The following RHCG variants were observed in gnomAD, a reference collection of about 807,000 sequenced individuals.
RHCG encodes Rh family C glycoprotein, also known as ammonium transporter Rh type C.
In RHCG, 39 loss-of-function variants were observed where a neutral mutation model predicts 55.3. The ratio of observed to expected loss-of-function variants is 0.70; its 90% CI spans 0.55 to 0.92. RHCG has a LOEUF of 0.92. RHCG is among the 40% of genes least tolerant of loss of function. The probability of loss-of-function intolerance (pLI) is 0.00; values close to 1 mark genes in which losing one functional copy is unlikely to be tolerated. For synonymous variants in RHCG, 250 were observed against 246.8 expected (o/e 1.01, Z -0.12); for missense variants, 635 against 627.9 (o/e 1.01, Z -0.12).
chr15:89,491,883 A>G (rs1961482263), intron 1 of RHCG, among the ~76,000 whole-genome samples: 1 of 152,252 alleles, frequency 6.6e-6, no homozygotes, highest in Non-Finnish European at 1.5e-5. Flanking sequence ...TTTGTCAGTC[A>G]AATGGGAGAT....
intron 9 of RHCG, among the ~76,000 whole-genome samples, chr15:89,474,803 TGCC>T (rs1961104606): frequency 7.6e-6 from 1 of 131,108 alleles, no homozygotes; most frequent in African/African-American, 2.7e-5. Flanking sequence ...CCTTCCTGCC[TGCC>T]TTCCTTCCTG....
chr15:89,477,013 C>T lies in RHCG; in HGVS notation c.1237+69G>A. The T allele has an allele frequency of 1.9e-6, 3 of 1,606,250 alleles. No individual in the cohort carries two copies. The highest frequency in any genetic ancestry group is 4.5e-5 in the East Asian group (2 of 44,792). ...GCTCAGGCTGACCTGTGCCGCATGC[C>T]CTTTGCTTCTCCACCCAGGGAGCCC... On this transcript the variant is annotated intron_variant, in intron 8 of 10. Coordinates refer to ENST00000268122, the MANE Select transcript of RHCG (RefSeq NM_016321.3). This position sits in a 1 kb window ranked among gnomAD's most constrained non-coding sequence, Gnocchi z 4.5.
chr15:89,477,879 G>T lies in RHCG; in HGVS notation c.933C>A (p.Phe311Leu), dbSNP rs758998246. The T allele has an allele frequency of 6.2e-7, 1 of 1,613,952 alleles. No individual in the cohort carries two copies. The highest frequency in any genetic ancestry group is 1.3e-5 in the African/African-American group (1 of 74,908). Residue 311 changes from phenylalanine (F) to leucine (L), a missense_variant, in exon 6 of 11, where the codon TTC becomes TTA. By Grantham distance (22) the Phe-to-Leu change is conservative (BLOSUM62 0). Coordinates refer to ENST00000268122, the MANE Select transcript of RHCG (RefSeq NM_016321.3). The surrounding 1 kb of genome is among the most constrained non-coding windows in gnomAD (Gnocchi z 4.5). ...LMPYGALIIGFVCGIISTLGF... is the reference protein window; with the variant it reads ...LMPYGALIIGLVCGIISTLGF... The stretch of plus-strand genomic sequence containing the variant: ...CCAGGGTGGAGATGATGCCGCAGAC[G>T]AAGCCGATGATGAGGGCACCGTAAG...
chr15:89,492,052 G>A (rs1243094207), intron 1 of RHCG, among the ~76,000 whole-genome samples: 1 of 139,096 alleles, frequency 7.2e-6, no homozygotes, highest in Admixed American at 7.4e-5. Context: ...TGACAAGGTT[G>A]CATTGGGTTG....
rs1961165173 is a variant in RHCG at position 89,477,094 on chromosome 15, C to T, written c.1225G>A (p.Gly409Ser). Residue 409 changes from glycine (G) to serine (S), a missense_variant, in exon 8 of 11, where the codon GGC becomes AGC. Coordinates refer to ENST00000268122, the MANE Select transcript of RHCG (RefSeq NM_016321.3). This position sits in a 1 kb window ranked among gnomAD's most constrained non-coding sequence, Gnocchi z 4.5. ...CATTCCTGCTCACCCACAATGATGCCACCCATCAGGGCCATGGCCAGGGTC... is the reference window on the plus strand; with the variant it reads ...CATTCCTGCTCACCCACAATGATGCTACCCATCAGGGCCATGGCCAGGGTC... ...LVTLAMALMG[G>S]IIVGLILRLP... is the part of the protein sequence containing the mutation. The T allele has an allele frequency of 1.2e-6, 2 of 1,613,954 alleles. No individual in the cohort carries two copies. The highest frequency in any genetic ancestry group is 1.7e-6 in the Non-Finnish European group (2 of 1,180,036).
At chr15:89,474,545 A>G (rs1961096198) in intron 9 of RHCG, among the ~76,000 whole-genome samples, 1 of 152,216 alleles carries the variant, frequency 6.6e-6, no homozygotes, top group South Asian at 2.1e-4. Context: ...GGCACCTCCA[A>G]TCATGATTCA....
intron 2 of RHCG, among the ~76,000 whole-genome samples, chr15:89,483,562 C>A (rs1961307568): frequency 6.6e-6 from 1 of 152,172 alleles, no homozygotes; most frequent in Non-Finnish European, 1.5e-5. Context: ...CCTGTAGCTT[C>A]TACCTGCTTT....
intron 1 of RHCG, among the ~76,000 whole-genome samples, chr15:89,491,937 C>T (rs1961483042): frequency 1.3e-5 from 2 of 152,186 alleles, no homozygotes; most frequent in African/African-American, 2.4e-5. Flanking sequence ...CTTTGTAGCA[C>T]ACATGTAATG....
chr15:89,479,222 TG>T, intron 5 of RHCG, 99 bp downstream of exon 5: 1 of 1,252,992 alleles, frequency 8.0e-7, no homozygotes, highest in Non-Finnish European at 1.1e-6. Context: ...ATCTGCAAGA[TG>T]GGTGTGATGA....
Position 89,480,335 on chromosome 15 carries a change from A to C in RHCG, c.596T>G (p.Leu199Arg). The change falls in exon 4 of 11, where the codon CTC becomes CGC. Residue 199 changes from leucine (L) to arginine (R), a missense_variant. Leu to Arg is a moderately radical substitution (Grantham distance 102). Coordinates refer to ENST00000268122, the MANE Select transcript of RHCG (RefSeq NM_016321.3). Reference sequence around the variant, plus strand: ...GCTCTGCTCTAGGTTGCGTCGGTAGAGGATCCGGGTCACTGTGAGCCCAAA... The same window carrying C: ...GCTCTGCTCTAGGTTGCGTCGGTAGCGGATCCGGGTCACTGTGAGCCCAAA... ...AYFGLTVTRI[L>R]YRRNLEQSKE... 1 of 1,614,180 alleles carries C rather than the reference A, an allele frequency of 6.2e-7. No individual in the cohort carries two copies. The highest frequency in any genetic ancestry group is 8.5e-7 in the Non-Finnish European group (1 of 1,180,016).
chr15:89,474,697 A>G (rs1398453144), intron 9 of RHCG, among the ~76,000 whole-genome samples: 1 of 152,256 alleles, frequency 6.6e-6, no homozygotes, highest in Non-Finnish European at 1.5e-5. Flanking sequence ...TGCAGAACTC[A>G]GTTGCCTGCC....
At chr15:89,487,336 C>T (rs760471889) in intron 1 of RHCG, among the ~76,000 whole-genome samples, 1 of 152,170 alleles carries the variant, frequency 6.6e-6, no homozygotes, top group Non-Finnish European at 1.5e-5. Context: ...CTCCTTGGTT[C>T]TACCCTCCTC....
intron 1 of RHCG, among the ~76,000 whole-genome samples, chr15:89,490,963 G>A (rs562070998): frequency 6.6e-6 from 1 of 152,286 alleles, no homozygotes; most frequent in East Asian, 1.9e-4. Flanking sequence ...AGCTAGCAGA[G>A]AAGACGAAGG....
intron 1 of RHCG, among the ~76,000 whole-genome samples, chr15:89,490,180 G>C (rs1447891677): frequency 6.6e-6 from 1 of 152,238 alleles, no homozygotes; most frequent in East Asian, 1.9e-4. Context: ...GCCTGGCCAA[G>C]GCTGCAGGAG....
intron 9 of RHCG, among the ~76,000 whole-genome samples, chr15:89,474,435 A>T (rs1596401149): frequency 1.3e-5 from 2 of 152,358 alleles, no homozygotes; most frequent in South Asian, 2.1e-4. Flanking sequence ...CCCTTGTCCC[A>T]GGAGCCACAG....
chr15:89,472,665 AC>A, intron 10 of RHCG, 45 bp downstream of exon 10: 1 of 1,557,336 alleles, frequency 6.4e-7, no homozygotes, highest in Non-Finnish European at 8.7e-7. Context: ...CTGGGCCCCC[AC>A]TGGGAGAACC....
At chr15:89,487,480 C>T (rs371209270) in intron 1 of RHCG, among the ~76,000 whole-genome samples, 11 of 152,174 alleles carry the variant, frequency 7.2e-5, no homozygotes, top group African/African-American at 2.2e-4. Context: ...CCCTCTCCAC[C>T]GCAATCCTGT....
At chr15:89,488,308 C>G (rs1961410935) in intron 1 of RHCG, among the ~76,000 whole-genome samples, 1 of 152,156 alleles carries the variant, frequency 6.6e-6, no homozygotes, top group Non-Finnish European at 1.5e-5. Context: ...GGAAAAAGTG[C>G]TAGAGTTGGA....
chr15:89,488,954 A>C (rs1376509539), intron 1 of RHCG, among the ~76,000 whole-genome samples: 2 of 152,196 alleles, frequency 1.3e-5, no homozygotes, highest in African/African-American at 4.8e-5. Flanking sequence ...AATATACTGG[A>C]ATAGTTAAGG....
Sources: allele counts gnomAD v4.1 joint callset (sites outside exome capture counted in the v4.1 genomes callset), GRCh38; gene constraint gnomAD v4.1.1; non-coding constraint Gnocchi (gnomAD v3.1); transcripts MANE v1.5; gene names NCBI Gene and HGNC (gene_info 2026-07-23, HGNC 2026-07-21).